LENG1: variants seen among roughly 807,000 people sequenced by gnomAD.
LENG1 encodes leukocyte receptor cluster (LRC) member 1.
In LENG1, 35 loss-of-function variants were observed where a neutral mutation model predicts 28.8. The observed-to-expected ratio is 1.22, with a 90% CI of 0.93 to 1.61. LENG1 has a LOEUF of 1.61. LENG1 is among the 40% of genes most tolerant of loss of function. The pLI, the probability that LENG1 is intolerant of heterozygous loss-of-function variation, is 0.00. For missense variants in LENG1, 404 were observed against 348.9 expected, an observed-to-expected ratio of 1.16 and a Z score of -1.26; for synonymous variants, 170 against 140.6, an observed-to-expected ratio of 1.21 and a Z score of -1.48.
At chr19:54,159,482 G>A in intron 1 of LENG1, 82 bp downstream of exon 1, 2 of 1,395,202 alleles carry the variant, frequency 1.4e-6, no homozygotes, top group Non-Finnish European at 9.4e-7. Flanking sequence ...TTGAGCCTGC[G>A]CAACGCCTCC....
chr19:54,155,928 C>T lies in LENG1; in HGVS notation c.588G>A (p.Leu196=), dbSNP rs766139965. ...EKQRPKEPPS[L]DQLRAERLRR... is the part of the protein sequence containing the mutation. ...GCAGACGTTCAGCTCGAAGCTGGTC[C>T]AGGGATGGAGGCCTGTGGGGAGAGG... The change falls in exon 4 of 4, where the codon CTG becomes CTA. Residue 196 remains leucine, a synonymous_variant. Transcript: ENST00000222224. 151 of 1,609,148 alleles carry T rather than the reference C, an allele frequency of 9.4e-5. No individual in the cohort carries two copies. Among genetic ancestry groups the T allele is most frequent in the Non-Finnish European group, 1.3e-4 (150 of 1,178,274 alleles).
chr19:54,156,818 C>T lies in LENG1; in HGVS notation c.520G>A (p.Glu174Lys), dbSNP rs767777442. 1.9e-6 allele frequency: 3 copies of T among 1,608,268 alleles called. No homozygotes were observed. Among genetic ancestry groups the T allele is most frequent in the Non-Finnish European group, 2.5e-6 (3 of 1,176,524 alleles). Residue 174 changes from glutamate (E) to lysine (K), a missense_variant, in exon 3 of 4, where the codon GAA (glutamate) becomes AAA (lysine). Physicochemically the swap from Glu to Lys is moderately conservative, Grantham distance 56. Transcript: ENST00000222224. The part of the protein sequence containing the change: ...LGKKRQHGGD[E>K]GSRSRKEKEG... ...TTTTCCTTTCTGCTGCGACTGCCTT[C>T]ATCACCGCCGTGCTGTCTCTTCTTC...
rs1016716064 is a variant in LENG1 at position 54,155,856 on chromosome 19, C to T, written c.660G>A (p.Arg220=). 1.2e-6 allele frequency: 2 copies of T among 1,612,962 alleles called. No homozygotes were observed. Among genetic ancestry groups the T allele is most frequent in the Non-Finnish European group, 1.7e-6 (2 of 1,179,858 alleles). Residue 220 remains arginine (R), a synonymous_variant, in exon 4 of 4, where the codon CGG becomes CGA. Transcript: ENST00000222224. ...ERSRAEALLA[R]VQGRALQEGQ... ...CCTCCTGTAGTGCCCGGCCTTGGAC[C>T]CGGGCCAGCAGGGCCTCTGCCCGAG...
rs1276387803 is a variant in LENG1, at chr19:54,159,554, C to A, written c.132+10G>T. On this transcript the variant is annotated intron_variant, in intron 1 of 3. Coordinates refer to ENST00000222224, the MANE Select transcript of LENG1 (RefSeq NM_024316.3). ...CCCCGGAGCGCCGCCCTGCCGGCTT[C>A]CGAGCTTACCTCTTGCTGAGCCAGC... is the stretch of plus-strand genomic sequence containing the variant. 6.5e-7 allele frequency: 1 copy of A among 1,547,314 alleles called. No homozygotes were observed.
At position 54,155,814 on chromosome 19, in the gene LENG1, G is replaced by A. The variant is rs371721795; in HGVS notation, c.702C>T (p.Asp234=). ...RALQEGQPEE[D]ETDDRRRRYN... is the part of the protein sequence containing the mutation. ...ACCGCCGCCGCCGGTCATCCGTCTC[G>A]TCTTCTTCCGGCTGACCCTCCTGTA... The change falls in exon 4 of 4, where the codon GAC becomes GAT. Residue 234 remains aspartate (D), a synonymous_variant. Transcript: ENST00000222224. 34 of 1,612,286 alleles carry A rather than the reference G, an allele frequency of 2.1e-5. No homozygotes were observed. The highest frequency in any genetic ancestry group is 1.8e-4 in the East Asian group (8 of 44,850).
At position 54,158,336 on chromosome 19, in the gene LENG1, C is replaced by T. The variant is rs1436366457; in HGVS notation, c.258G>A (p.Gly86=). ...VDLFRELLEE[G]KGVIRGNKEY... ...CTTTATTGCCTCTGATCACTCCTTT[C>T]CCTTCCTCCAGCAGCTCCCGAAACA... Residue 86 remains glycine (G), a synonymous_variant, in exon 2 of 4, where the codon GGG becomes GGA. Transcript: ENST00000222224. 4 of 1,611,456 alleles carry T rather than the reference C, an allele frequency of 2.5e-6. No individual in the cohort carries two copies. In the East Asian group the frequency reaches 6.7e-5, roughly 27 times the overall value.
chr19:54,156,688 C>T, intron 3 of LENG1, 75 bp downstream of exon 3: 1 of 1,464,330 alleles, frequency 6.8e-7, no homozygotes, highest in Middle Eastern at 1.9e-4. Flanking sequence ...ACCAGAGACG[C>T]TGCAGTGCCC....
In LENG1 at chr19:54,155,198, C is replaced by T. The variant is rs1056851577; in HGVS notation, c.*523G>A. 68 of 1,324,234 alleles carry T rather than the reference C, an allele frequency of 5.1e-5. 1 individual carries two copies. The highest frequency in any genetic ancestry group is 3.3e-4 in the South Asian group (25 of 75,146). The allele number at this position is 1,324,234 out of a possible 1,614,324, so 82.0% of individuals were successfully genotyped here. A position where few individuals can be genotyped will look rare whatever the true frequency, so the allele number is the denominator to read the frequency against. Reference sequence around the variant, plus strand: ...GTGTGTGCGTGCAGGGCAGCTGGCCCGGTGCCTGACACATCCACAGCCCTA... The same window carrying T: ...GTGTGTGCGTGCAGGGCAGCTGGCCTGGTGCCTGACACATCCACAGCCCTA... On this transcript the variant is annotated 3_prime_UTR_variant, in exon 4 of 4. Coordinates refer to ENST00000222224, the MANE Select transcript of LENG1 (RefSeq NM_024316.3).
rs1385095204 is a variant in LENG1 at position 54,155,638 on chromosome 19, A to G, written c.*83T>C. 1.9e-5 allele frequency: 26 copies of G among 1,359,946 alleles called. No homozygotes were observed. Among genetic ancestry groups the G allele is most frequent in the Non-Finnish European group, 2.4e-5 (24 of 1,000,548 alleles). The allele number at this position is 1,359,946 out of a possible 1,614,324, so 84.2% of individuals were successfully genotyped here. On this transcript the variant is annotated 3_prime_UTR_variant, in exon 4 of 4. Transcript: ENST00000222224. ...GTGAGGGACATTTTTTGGTAAACCT[A>G]TTTTCATTTTGGAAAATATTTATGA...
rs749121868 is a variant in LENG1, at chr19:54,156,873, G to T, written c.465C>A (p.Asp155Glu). Residue 155 changes from aspartate (D) to glutamate (E), a missense_variant, in exon 3 of 4, where the codon GAC becomes GAA. By Grantham distance (45) the Asp-to-Glu change is conservative. Coordinates refer to ENST00000222224, the MANE Select transcript of LENG1 (RefSeq NM_024316.3). Reference protein sequence around the residue: ...APDEKIKSRLDPLREMQKHLG... With the variant: ...APDEKIKSRLEPLREMQKHLG... ...GATGCTTCTGCATCTCCCGCAGAGG[G>T]TCCAGACGGCTCTTGATCTTCTCAT... 6.2e-7 allele frequency: 1 copy of T among 1,609,570 alleles called. No homozygotes were observed. The highest frequency in any genetic ancestry group is 1.3e-5 in the African/African-American group (1 of 74,846).
intron 2 of LENG1, 146 bp from the exon 3 acceptor site, chr19:54,157,171 A>G (rs1568707224): frequency 3.4e-6 from 2 of 595,026 alleles, no homozygotes; most frequent in Non-Finnish European, 5.5e-6. Flanking sequence ...AGACAAACAG[A>G]GGCAAAGCTC....
At chr19:54,159,036 A>C (rs1433322388) in intron 1 of LENG1, among the ~76,000 whole-genome samples, 5 of 152,256 alleles carry the variant, frequency 3.3e-5, no homozygotes, top group Admixed American at 3.3e-4. Flanking sequence ...GGTGCACGAA[A>C]GGGCTCGCCC....
chr19:54,155,433 C>T lies in LENG1; in HGVS notation c.*288G>A, dbSNP rs1403273004. 6.8e-7 allele frequency: 1 copy of T among 1,471,782 alleles called. No homozygotes were observed. The highest frequency in any genetic ancestry group is 1.9e-5 in the Admixed American group (1 of 52,274). 91.2% of individuals were successfully genotyped at this position (1,471,782 alleles called of 1,614,324 possible). On this transcript the variant is annotated 3_prime_UTR_variant, in exon 4 of 4. Coordinates refer to ENST00000222224, the MANE Select transcript of LENG1 (RefSeq NM_024316.3). ...CACCGGCCCCTCCCTCTACCCACCC[C>T]CTTCCCCCGCATGCTGATCCCCCTG... is the stretch of plus-strand genomic sequence containing the variant.
chr19:54,159,393 G>A (rs2075457253), intron 1 of LENG1, among the ~76,000 whole-genome samples, 171 bp downstream of exon 1: 1 of 152,270 alleles, frequency 6.6e-6, no homozygotes. Flanking sequence ...AAGGTTTCGT[G>A]GAAGTGGGCA....
intron 1 of LENG1, among the ~76,000 whole-genome samples, chr19:54,159,026 G>A (rs1259037075): frequency 6.6e-6 from 1 of 152,224 alleles, no homozygotes; most frequent in African/African-American, 2.4e-5. Context: ...TCTAGGGGGC[G>A]GTGCACGAAA....
chr19:54,157,260 A>T (rs1295908102), intron 2 of LENG1, among the ~76,000 whole-genome samples: 1 of 152,190 alleles, frequency 6.6e-6, no homozygotes, highest in Non-Finnish European at 1.5e-5. Context: ...GTTCAGAGGC[A>T]GGCATCTTTG....
At position 54,155,909 on chromosome 19, in the gene LENG1, G is replaced by C. The variant is rs142913817; in HGVS notation, c.607C>G (p.Arg203Gly). Residue 203 changes from arginine (R) to glycine (G), a missense_variant, in exon 4 of 4, where the codon CGT (arginine) becomes GGT (glycine). Transcript: ENST00000222224. ...CTCTCAGCTGCTTCCCTCCGCAGAC[G>C]TTCAGCTCGAAGCTGGTCCAGGGAT... ...PPSLDQLRAE[R>G]LRREAAERSR... The C allele has an allele frequency of 6.2e-7, 1 of 1,611,796 alleles. No homozygotes were observed. The highest frequency in any genetic ancestry group is 8.5e-7 in the Non-Finnish European group (1 of 1,179,416).
chr19:54,155,504 C>A lies in LENG1; in HGVS notation c.*217G>T. The A allele has an allele frequency of 1.0e-6, 1 of 953,778 alleles. No homozygotes were observed. The highest frequency in any genetic ancestry group is 1.6e-6 in the Non-Finnish European group (1 of 641,128). 59.1% of individuals were successfully genotyped at this position (953,778 alleles called of 1,614,324 possible). ...TGGAAGACTGGAGGGAGGCCCCAAG[C>A]CACGGGGCATCCCCCTCTCCCAGGA... On this transcript the variant is annotated 3_prime_UTR_variant, in exon 4 of 4. Coordinates refer to ENST00000222224, the MANE Select transcript of LENG1 (RefSeq NM_024316.3).
At position 54,155,563 on chromosome 19, in the gene LENG1, C is replaced by G; in HGVS notation, c.*158G>C. ...GGGGGCCGGGAGGTTTTCCTCTCAG[C>G]CCCACCCTGGGGGCCCGGGGGCGAG... On this transcript the variant is annotated 3_prime_UTR_variant, in exon 4 of 4. Coordinates refer to ENST00000222224, the MANE Select transcript of LENG1 (RefSeq NM_024316.3). 3 of 958,010 alleles carry G rather than the reference C, an allele frequency of 3.1e-6. No homozygotes were observed. Among genetic ancestry groups the G allele is most frequent in the Non-Finnish European group, 4.6e-6 (3 of 652,478 alleles). 59.3% of individuals were successfully genotyped at this position (958,010 alleles called of 1,614,324 possible).
Sources: allele counts gnomAD v4.1 joint callset (sites outside exome capture counted in the v4.1 genomes callset), GRCh38; gene constraint gnomAD v4.1.1; transcripts MANE v1.5; gene names NCBI Gene and HGNC (gene_info 2026-07-23, HGNC 2026-07-21).